Variants in DBF4 observed in about 807,000 individuals in gnomAD.
DBF4 encodes DBF4-CDC7 kinase regulatory subunit.
Under a neutral mutation model 76.6 loss-of-function variants are expected in DBF4, and 25 were observed. The ratio of observed to expected loss-of-function variants is 0.33; its 90% CI spans 0.24 to 0.46. The LOEUF is 0.46. Among genes scored for constraint, DBF4 ranks in the 20% least tolerant of loss-of-function variants. DBF4 has a pLI of 1.00. For synonymous variants in DBF4, 213 were observed against 258.0 expected (o/e 0.83, Z 1.67); for missense variants, 638 against 760.8 (o/e 0.84, Z 1.90).
At chr7:87,887,740 G>A (rs1212856332) in intron 5 of DBF4, among the ~76,000 whole-genome samples, 1 of 151,912 alleles carries the variant, frequency 6.6e-6, no homozygotes, top group Admixed American at 6.6e-5. Flanking sequence ...AAGATATCAG[G>A]TCCACTCCCA....
intron 6 of DBF4, among the ~76,000 whole-genome samples, chr7:87,893,737 G>A (rs931659868): frequency 1.3e-5 from 2 of 152,162 alleles, no homozygotes; most frequent in Admixed American, 6.5e-5. Context: ...ACTTCTTGCA[G>A]ATATTGTCTT....
intron 1 of DBF4, 137 bp downstream of exon 1, chr7:87,876,915 A>C: frequency 1.1e-6 from 1 of 927,056 alleles, no homozygotes; most frequent in African/African-American, 1.6e-5. Flanking sequence ...TGAAGGAAGG[A>C]GCCCCCGTTC....
intron 10 of DBF4, among the ~76,000 whole-genome samples, chr7:87,902,913 G>A (rs1417990598): frequency 6.6e-6 from 1 of 152,076 alleles, no homozygotes; most frequent in Non-Finnish European, 1.5e-5. Flanking sequence ...TTCTTTAATG[G>A]TCATCTAGAG....
At chr7:87,887,818 G>A (rs1421259143) in intron 5 of DBF4, 165 bp from the exon 6 acceptor site, 1 of 636,010 alleles carries the variant, frequency 1.6e-6, no homozygotes, top group African/African-American at 1.9e-5. Context: ...GTCACACTGG[G>A]GGTTAAATTT....
chr7:87,896,628 T>TAGA, intron 7 of DBF4, 118 bp downstream of exon 7: 1 of 875,356 alleles, frequency 1.1e-6, no homozygotes, highest in East Asian at 2.7e-5. Context: ...TTCGTCTTTA[T>TAGA]AGAACATAGA....
chr7:87,885,396 TGTA>T (rs1308307839), intron 3 of DBF4, among the ~76,000 whole-genome samples: 5 of 152,222 alleles, frequency 3.3e-5, no homozygotes, highest in African/African-American at 1.2e-4. Context: ...AGGGATGGCG[TGTA>T]GTTTTTAGAA....
At position 87,898,813 on chromosome 7, in the gene DBF4, A is replaced by C. The variant is rs1839700749; in HGVS notation, c.681-1408A>C. Among the ~76,000 whole-genome samples, 4 of 151,676 alleles carry C rather than the reference A, an allele frequency of 2.6e-5. No individual in the cohort carries two copies. In the South Asian group the frequency reaches 8.3e-4, roughly 32 times the overall value. On this transcript the variant is annotated intron_variant, in intron 8 of 11. Coordinates refer to ENST00000265728, the MANE Select transcript of DBF4 (RefSeq NM_006716.4). ...CTCAAAAAAAAAAAAAAAAAAGAACAACAAAGTAAGAGGTCTCACACTTTC... is the reference window on the plus strand; with the variant it reads ...CTCAAAAAAAAAAAAAAAAAAGAACCACAAAGTAAGAGGTCTCACACTTTC...
At chr7:87,896,157 T>C (rs558050641) in intron 6 of DBF4, 2 of 248,192 alleles carry the variant, frequency 8.1e-6, no homozygotes, top group African/African-American at 4.6e-5. Flanking sequence ...CTAATTTCTT[T>C]ATTCAATTTA....
Position 87,888,003 on chromosome 7 carries a change from C to A in DBF4, c.541C>A (p.Gln181Lys). The A allele has an allele frequency of 6.4e-7, 1 of 1,555,624 alleles. No individual in the cohort carries two copies. The highest frequency in any genetic ancestry group is 8.7e-7 in the Non-Finnish European group (1 of 1,152,686). Residue 181 changes from glutamine (Q) to lysine (K), a missense_variant, in exon 6 of 12, where the codon CAA becomes AAA. Transcript: ENST00000265728. ...TAAAGACATTAGATACTACATTGAACAAAAGAAAAAAGAGTTGTATTTACT... is the reference window on the plus strand; with the variant it reads ...TAAAGACATTAGATACTACATTGAAAAAAAGAAAAAAGAGTTGTATTTACT... ...HIDDIRYYIE[Q>K]KKKELYLLKK...
chr7:87,908,018 A>G lies in DBF4; in HGVS notation c.1880A>G (p.Glu627Gly). The G allele has an allele frequency of 6.2e-7, 1 of 1,613,852 alleles. No individual in the cohort carries two copies. Among genetic ancestry groups the G allele is most frequent in the Middle Eastern group, 1.7e-4 (1 of 6,054 alleles). ...SLLDLFQTSEEKSEFLGFTSY... is the reference protein window; with the variant it reads ...SLLDLFQTSEGKSEFLGFTSY... ...CTAGACTTGTTTCAGACTAGTGAAG[A>G]GAAATCAGAATTTTTGGGTTTCACA... Residue 627 changes from glutamate to glycine, a missense_variant, in exon 12 of 12, where the codon GAG becomes GGG. Physicochemically the swap from Glu to Gly is moderately conservative, Grantham distance 98. Transcript: ENST00000265728.
rs1277608720 is a variant in DBF4 at position 87,878,559 on chromosome 7, TA to T, written c.219+336del. Reference sequence around the variant, plus strand: ...TGATTATGAATCTTGGGGAGCTACATAAGTTTGTCTGGACTAGTGTAACAGT... The same window carrying T: ...TGATTATGAATCTTGGGGAGCTACATAGTTTGTCTGGACTAGTGTAACAGT... On this transcript the variant is annotated intron_variant, in intron 2 of 11. Coordinates refer to ENST00000265728, the MANE Select transcript of DBF4 (RefSeq NM_006716.4). The T allele has an allele frequency of 5.9e-5, 11 of 187,020 alleles. No individual in the cohort carries two copies. In the East Asian group the frequency reaches 1.5e-3, roughly 26 times the overall value. The allele number at this position is 187,020 out of a possible 1,614,324, so 11.6% of individuals were successfully genotyped here.
rs1839957847 is a variant in DBF4, at chr7:87,908,179, T to G, written c.*16T>G. On this transcript the variant is annotated 3_prime_UTR_variant, in exon 12 of 12. Transcript: ENST00000265728. ...TGGCTTTTAGAATTTAAAAAATGCA[T>G]ACTTTTCAGAAGTGATAAGGATCAT... The G allele has an allele frequency of 6.5e-7, 1 of 1,531,496 alleles. No homozygotes were observed. Among genetic ancestry groups the G allele is most frequent in the Non-Finnish European group, 8.7e-7 (1 of 1,144,024 alleles). The allele number at this position is 1,531,496 out of a possible 1,614,324, so 94.9% of individuals were successfully genotyped here.
At chr7:87,893,210 T>C (rs1216218108) in intron 6 of DBF4, among the ~76,000 whole-genome samples, 2 of 152,006 alleles carry the variant, frequency 1.3e-5, no homozygotes, top group African/African-American at 4.8e-5. Flanking sequence ...TGAAGCCTGT[T>C]GTTGGATATG....
Position 87,885,113 on chromosome 7 carries a change from A to G in DBF4, c.354A>G (p.Ser118=), listed in dbSNP as rs1584355400. The G allele has an allele frequency of 6.2e-7, 1 of 1,612,844 alleles. No homozygotes were observed. The highest frequency in any genetic ancestry group is 2.2e-5 in the East Asian group (1 of 44,836). Residue 118 remains serine (S), a synonymous_variant, in exon 3 of 12, where the codon TCA becomes TCG. Transcript: ENST00000265728. ...CTGCATATACTGCAGAAACCACTTC[A>G]CCTCATCCCAGCCATGATGGAAGTT... ...PESAYTAETT[S]PHPSHDGSSF...
intron 9 of DBF4, 142 bp downstream of exon 9, chr7:87,900,491 A>C: frequency 9.4e-7 from 1 of 1,067,878 alleles, no homozygotes; most frequent in Non-Finnish European, 1.3e-6. Flanking sequence ...TATAAGTCTG[A>C]ATCTGTTTAG....
chr7:87,876,870 C>G (rs747346541), intron 1 of DBF4, 92 bp downstream of exon 1: 9 of 1,413,952 alleles, frequency 6.4e-6, no homozygotes, highest in Non-Finnish European at 8.9e-6. Context: ...CCGCCGGGTC[C>G]TCAGCTTCTT....
At chr7:87,887,951 C>A in intron 5 of DBF4, 32 bp from the exon 6 acceptor site, 2 of 1,496,552 alleles carry the variant, frequency 1.3e-6, no homozygotes, top group Non-Finnish European at 1.8e-6. Context: ...AGTAAAATTG[C>A]TAATCTTAAA....
intron 8 of DBF4, among the ~76,000 whole-genome samples, chr7:87,899,718 C>T (rs556375326): frequency 2.6e-5 from 4 of 152,232 alleles, no homozygotes; most frequent in Admixed American, 6.5e-5. Flanking sequence ...AATTCTGACA[C>T]GTGCAACATG....
At chr7:87,880,602 C>A (rs1384324768) in intron 2 of DBF4, among the ~76,000 whole-genome samples, 2 of 152,152 alleles carry the variant, frequency 1.3e-5, no homozygotes, top group Non-Finnish European at 2.9e-5. Context: ...CGATCTTCTA[C>A]ATGAGTTAAT....
Sources: gnomAD v4.1 joint callset for allele counts (sites outside exome capture counted in the v4.1 genomes callset) on GRCh38, gnomAD v4.1.1 for gene constraint, MANE v1.5 for transcripts, NCBI Gene and HGNC (gene_info 2026-07-23, HGNC 2026-07-21) for gene names.